The following TMEM87A variants were observed in gnomAD, a reference collection of about 807,000 sequenced individuals.
The protein encoded by TMEM87A is Golgi-pH regulating cation channel.
In TMEM87A, 50 loss-of-function variants were observed where a neutral mutation model predicts 90.0. The observed-to-expected ratio is 0.56, with a 90% CI of 0.44 to 0.70. The LOEUF is 0.70. TMEM87A is among the 30% of genes least tolerant of loss of function. TMEM87A has a pLI of 0.00. For synonymous variants in TMEM87A, 226 were observed against 226.7 expected, an observed-to-expected ratio of 1.00 and a Z score of 0.03; for missense variants, 577 against 660.5, an observed-to-expected ratio of 0.87 and a Z score of 1.39.
intron 6 of TMEM87A, chr15:42,257,865 G>T: frequency 1.0e-6 from 1 of 966,062 alleles, no homozygotes; most frequent in Non-Finnish European, 1.2e-6. Context: ...TTATACAATG[G>T]TATATAATAT....
At position 42,213,282 on chromosome 15, in the gene TMEM87A, G is replaced by A. The variant is rs565916037; in HGVS notation, c.1627-1533C>T. On this transcript the variant is annotated intron_variant, in intron 19 of 19. Transcript: ENST00000389834. The stretch of plus-strand genomic sequence containing the variant: ...CTGAGTCCGAGAGCTAAAAACAAAG[G>A]GCCCAGGTTGGAAGTTGCTGAAATC... 8.5e-5 allele frequency among the ~76,000 whole-genome samples: 13 copies of A among 152,256 alleles called. No homozygotes were observed. The South Asian group carries it at 2.7e-3, about 32-fold the overall frequency.
intron 6 of TMEM87A, among the ~76,000 whole-genome samples, chr15:42,251,068 G>A (rs1327196024): frequency 2.0e-5 from 3 of 151,898 alleles, no homozygotes; most frequent in African/African-American, 4.8e-5. Flanking sequence ...CATAGTTCTC[G>A]TGCCATGGTT....
intron 6 of TMEM87A, among the ~76,000 whole-genome samples, chr15:42,254,409 T>C (rs1361251231): frequency 6.6e-6 from 1 of 152,244 alleles, no homozygotes; most frequent in Non-Finnish European, 1.5e-5. Flanking sequence ...TGGACACAAA[T>C]GTTTACAACA....
chr15:42,228,781 G>A lies in TMEM87A; in HGVS notation c.1171C>T (p.Leu391Phe). Residue 391 changes from leucine (L) to phenylalanine (F), a missense_variant, in exon 13 of 20, where the codon CTT becomes TTT. Physicochemically the swap from Leu to Phe is conservative, Grantham distance 22. Transcript: ENST00000389834. ...SLTQTMKLLK[L>F]RRNIVKLSLY... The stretch of plus-strand genomic sequence containing the variant: ...GAGAGTTTTACAATGTTCCTCCGAA[G>A]TTTTAATAGCTTCATTGTTTGAGTC... 1 of 1,606,172 alleles carries A rather than the reference G, an allele frequency of 6.2e-7. No individual in the cohort carries two copies.
At chr15:42,243,512 ATTT>A (rs375255055) in intron 7 of TMEM87A, among the ~76,000 whole-genome samples, 2 of 129,576 alleles carry the variant, frequency 1.5e-5, no homozygotes, top group Non-Finnish European at 1.6e-5. Context: ...ATGTTAATTA[ATTT>A]TTTTTTTTTT....
rs568420078 is a variant in TMEM87A, at chr15:42,258,932, G to T, written c.504+2026C>A. On this transcript the variant is annotated intron_variant, in intron 6 of 19. Transcript: ENST00000389834. ...ATCAAAATCAACTTTTGGAACTTTG[G>T]AAATTATTAAAGTCTTTCAACAATC... 1.6e-4 allele frequency: 189 copies of T among 1,204,358 alleles called. 1 individual carries two copies. The Middle Eastern group carries it at 8.5e-3, about 54-fold the overall frequency. The allele number at this position is 1,204,358 out of a possible 1,614,324, so 74.6% of individuals were successfully genotyped here.
intron 17 of TMEM87A, among the ~76,000 whole-genome samples, chr15:42,218,673 T>C (rs547733314): frequency 3.9e-5 from 6 of 152,366 alleles, no homozygotes; most frequent in Admixed American, 3.9e-4. Context: ...TTTGTCTTTC[T>C]GTGCCTGGCT....
intron 1 of TMEM87A, 187 bp downstream of exon 1, chr15:42,273,068 C>A: frequency 1.4e-6 from 1 of 720,690 alleles, no homozygotes; most frequent in Admixed American, 2.3e-5. Context: ...TTCCCGCTAG[C>A]CTAATCACAG....
chr15:42,240,893 G>A (rs922515058), intron 7 of TMEM87A, among the ~76,000 whole-genome samples: 1 of 152,176 alleles, frequency 6.6e-6, no homozygotes, highest in Non-Finnish European at 1.5e-5. Context: ...CAATAAAAGA[G>A]TAAACAAAAT....
chr15:42,238,404 T>C (rs577322812), intron 8 of TMEM87A, among the ~76,000 whole-genome samples: 2 of 151,936 alleles, frequency 1.3e-5, no homozygotes, highest in Non-Finnish European at 2.9e-5. Context: ...ACCCCGTCTC[T>C]ACTAAAAATA....
intron 1 of TMEM87A, 184 bp downstream of exon 1, chr15:42,273,071 A>C: frequency 1.4e-6 from 1 of 725,080 alleles, no homozygotes; most frequent in Non-Finnish European, 2.3e-6. Context: ...CCGCTAGCCT[A>C]ATCACAGAAG....
chr15:42,271,864 G>C (rs969223421), intron 2 of TMEM87A, among the ~76,000 whole-genome samples, 199 bp downstream of exon 2: 6 of 151,086 alleles, frequency 4.0e-5, no homozygotes, highest in African/African-American at 1.2e-4. Flanking sequence ...GTAAACACCA[G>C]AAAAACAAGA....
intron 1 of TMEM87A, chr15:42,272,704 A>C (rs7181758): frequency 1 from 322,270 of 322,626 alleles, 160,958 homozygotes; most frequent in East Asian, 1. Flanking sequence ...CTATTTCTTC[A>C]ATTTTAACCA....
intron 6 of TMEM87A, among the ~76,000 whole-genome samples, chr15:42,249,230 A>C (rs534047010): frequency 6.6e-6 from 1 of 152,184 alleles, no homozygotes; most frequent in Non-Finnish European, 1.5e-5. Context: ...TCAAAAAACC[A>C]GTTCCTGGAT....
chr15:42,234,521 G>C (rs878995641), intron 10 of TMEM87A, among the ~76,000 whole-genome samples: 3 of 152,138 alleles, frequency 2.0e-5, no homozygotes, highest in African/African-American at 7.2e-5. Flanking sequence ...AAATAAATAA[G>C]TTTTAAGAAT....
chr15:42,266,420 G>A (rs900859913), intron 3 of TMEM87A, among the ~76,000 whole-genome samples: 2 of 151,886 alleles, frequency 1.3e-5, no homozygotes, highest in African/African-American at 4.8e-5. Context: ...GGAGGCTGAG[G>A]CTGGACAATC....
chr15:42,239,170 A>C (rs1208824471), intron 8 of TMEM87A, among the ~76,000 whole-genome samples: 1 of 152,138 alleles, frequency 6.6e-6, no homozygotes, highest in Non-Finnish European at 1.5e-5. Flanking sequence ...CCTCCCGAGT[A>C]GCTGGGACTA....
intron 8 of TMEM87A, among the ~76,000 whole-genome samples, chr15:42,239,415 G>A (rs1203488046): frequency 6.6e-6 from 1 of 152,172 alleles, no homozygotes; most frequent in East Asian, 1.9e-4. Flanking sequence ...ATCCTAGAGA[G>A]AATGTGAGAT....
chr15:42,270,609 T>C (rs2051502946), intron 2 of TMEM87A, among the ~76,000 whole-genome samples: 1 of 151,726 alleles, frequency 6.6e-6, no homozygotes, highest in South Asian at 2.1e-4. Context: ...AAAAATGCAG[T>C]TGGTTTAACT....
Sources: gnomAD v4.1 joint callset for allele counts (sites outside exome capture counted in the v4.1 genomes callset) on GRCh38, gnomAD v4.1.1 for gene constraint, MANE v1.5 for transcripts, NCBI Gene and HGNC (gene_info 2026-07-23, HGNC 2026-07-21) for gene names.